The following PAK1 variants were observed in gnomAD, a reference collection of about 807,000 sequenced individuals.
The protein encoded by PAK1 is p21 (RAC1) activated kinase 1.
A neutral mutation model predicts 67.4 loss-of-function variants in PAK1; 29 were observed. That is an observed-to-expected ratio of 0.43 (90% CI 0.32 to 0.59). The LOEUF is 0.59. Ranked by LOEUF, PAK1 falls within the 20% of genes least tolerant of loss-of-function variation. PAK1 has a pLI of 0.07. For missense variants in PAK1, 337 were observed against 670.7 expected, an observed-to-expected ratio of 0.50 and a Z score of 5.50; for synonymous variants, 223 against 237.4, an observed-to-expected ratio of 0.94 and a Z score of 0.56.
At chr11:77,334,876 C>T (rs1942392084) in intron 13 of PAK1, among the ~76,000 whole-genome samples, 1 of 152,156 alleles carries the variant, frequency 6.6e-6, no homozygotes, top group Non-Finnish European at 1.5e-5. Flanking sequence ...TCTTCTTCCA[C>T]TTTCATGAAT....
chr11:77,459,973 G>A (rs1300238939), intron 1 of PAK1, among the ~76,000 whole-genome samples: 1 of 152,048 alleles, frequency 6.6e-6, no homozygotes, highest in African/African-American at 2.4e-5. Flanking sequence ...TGGGATTACA[G>A]GCGTGAGCCA....
At chr11:77,344,224 C>A (rs1230983321) in intron 9 of PAK1, among the ~76,000 whole-genome samples, 1 of 152,120 alleles carries the variant, frequency 6.6e-6, no homozygotes, top group Non-Finnish European at 1.5e-5. Flanking sequence ...TGATACACAT[C>A]AAAGTTTCAG....
At chr11:77,458,740 C>A (rs1957188686) in intron 1 of PAK1, among the ~76,000 whole-genome samples, 1 of 152,130 alleles carries the variant, frequency 6.6e-6, no homozygotes, top group Non-Finnish European at 1.5e-5. Flanking sequence ...AACTTCAATA[C>A]TAATTATAGT....
intron 3 of PAK1, 109 bp downstream of exon 3, chr11:77,379,785 G>C (rs1207719801): frequency 2.6e-6 from 2 of 766,632 alleles, no homozygotes; most frequent in East Asian, 5.1e-5. Context: ...ATTGTAATCA[G>C]GGTCTCAGGC....
At chr11:77,507,326 G>A in the PAK1 span, among the ~76,000 whole-genome samples, 501 of 152,220 alleles carry the variant, frequency 3.3e-3, 3 homozygotes, top group African/African-American at 9.5e-3. Context: ...TCTCCTTCAC[G>A]GGGTCCTCTG....
chr11:77,491,519 ACT>A, the PAK1 span, among the ~76,000 whole-genome samples: 27 of 151,550 alleles, frequency 1.8e-4, no homozygotes, highest in African/African-American at 5.8e-4. Context: ...ATAGAGTGAG[ACT>A]CTGCCTCAAA....
chr11:77,440,248 A>G (rs534777257), intron 1 of PAK1, among the ~76,000 whole-genome samples: 1 of 152,306 alleles, frequency 6.6e-6, no homozygotes, highest in African/African-American at 2.4e-5. Flanking sequence ...TACGAGAACA[A>G]AAATAGCCAG....
the PAK1 span, among the ~76,000 whole-genome samples, chr11:77,489,417 C>CCTCTCT: frequency 6.6e-6 from 1 of 150,740 alleles, no homozygotes; most frequent in Non-Finnish European, 1.5e-5. Context: ...TCTCCTCTCT[C>CCTCTCT]CTCTCTCTCT....
chr11:77,460,551 A>AC (rs1421194723), intron 1 of PAK1, among the ~76,000 whole-genome samples: 4 of 137,556 alleles, frequency 2.9e-5, no homozygotes, highest in Non-Finnish European at 6.6e-5. Context: ...TCCCAGGAGC[A>AC]CTTTTTTTTT....
chr11:77,405,224 G>A (rs1036684904), intron 1 of PAK1, among the ~76,000 whole-genome samples: 3 of 152,192 alleles, frequency 2.0e-5, no homozygotes, highest in Admixed American at 6.5e-5. Flanking sequence ...TATGGTAAGC[G>A]ACTGGGATCA....
chr11:77,495,638 C>G, the PAK1 span, among the ~76,000 whole-genome samples: 1 of 152,044 alleles, frequency 6.6e-6, no homozygotes, highest in South Asian at 2.1e-4. Context: ...GGAAACAACC[C>G]AAGTATCCAT....
intron 1 of PAK1, among the ~76,000 whole-genome samples, chr11:77,433,137 A>G (rs1955939925): frequency 6.6e-6 from 1 of 152,224 alleles, no homozygotes; most frequent in Non-Finnish European, 1.5e-5. Context: ...AACTGGATAT[A>G]AACATGCAAA....
At chr11:77,353,380 C>T in intron 8 of PAK1, 156 bp downstream of exon 8, 1 of 585,446 alleles carries the variant, frequency 1.7e-6, no homozygotes, top group South Asian at 2.3e-5. Context: ...TCTGCCAAAT[C>T]TCAAGTCAGT....
At chr11:77,358,460 C>A (rs141373871) in intron 6 of PAK1, among the ~76,000 whole-genome samples, 35 of 152,224 alleles carry the variant, frequency 2.3e-4, no homozygotes, top group African/African-American at 7.9e-4. Flanking sequence ...TTTATATATT[C>A]TCTTGGGTCT....
At chr11:77,333,511 T>C (rs1375258304) in intron 13 of PAK1, among the ~76,000 whole-genome samples, 3 of 152,176 alleles carry the variant, frequency 2.0e-5, no homozygotes, top group African/African-American at 7.2e-5. Context: ...TTATTATTCT[T>C]GCTTACACAT....
At chr11:77,366,781 A>C (rs1297569085) in intron 5 of PAK1, among the ~76,000 whole-genome samples, 1 of 152,214 alleles carries the variant, frequency 6.6e-6, no homozygotes, top group Non-Finnish European at 1.5e-5. Context: ...CTGTGGAAAA[A>C]AGTCTGGCAG....
chr11:77,394,063 GT>G (rs1158426737), intron 1 of PAK1, among the ~76,000 whole-genome samples: 1 of 152,132 alleles, frequency 6.6e-6, no homozygotes, highest in East Asian at 1.9e-4. Context: ...TAATGAAAAT[GT>G]TATTATCTTA....
intron 10 of PAK1, 42 bp downstream of exon 10, chr11:77,343,777 C>T: frequency 8.4e-7 from 1 of 1,187,616 alleles, no homozygotes. Flanking sequence ...ACCAATCAGT[C>T]CCAAAGGCCC....
rs560060825 is a variant in PAK1, at chr11:77,327,386, A to G, written c.1552-4026T>C. Among the ~76,000 whole-genome samples the G allele has an allele frequency of 7.5e-3, 1,136 of 152,340 alleles. 5 individuals are homozygous for G. Among genetic ancestry groups the G allele is most frequent in the Non-Finnish European group, 0.011 (727 of 68,028 alleles). On this transcript the variant is annotated intron_variant, in intron 14 of 14. Coordinates refer to ENST00000356341, the MANE Select transcript of PAK1 (RefSeq NM_002576.5). ...AAAATGTTAAGGGCAGCCAGAGAGA[A>G]AGGTCGGGTTACCCACAAAGGGAAG...
Sources: gnomAD v4.1 joint callset for allele counts (sites outside exome capture counted in the v4.1 genomes callset) on GRCh38, gnomAD v4.1.1 for gene constraint, MANE v1.5 for transcripts, NCBI Gene and HGNC (gene_info 2026-07-23, HGNC 2026-07-21) for gene names.